TUSC3: variants seen among roughly 807,000 people sequenced by gnomAD.
TUSC3 encodes the protein dolichyl-diphosphooligosaccharide--protein glycosyltransferase subunit TUSC3.
In TUSC3, 45 loss-of-function variants were observed where a neutral mutation model predicts 44.8. The ratio of observed to expected loss-of-function variants is 1.00; its 90% CI spans 0.79 to 1.29. The LOEUF is 1.29. Among genes scored for constraint, TUSC3 ranks in the 50% most tolerant of loss-of-function variants. The pLI, the probability that TUSC3 is intolerant of heterozygous loss-of-function variation, is 0.00. For synonymous variants in TUSC3, 212 were observed against 152.9 expected (o/e 1.39, Z -2.85); for missense variants, 519 against 437.9 (o/e 1.19, Z -1.65).
intron 7 of TUSC3, among the ~76,000 whole-genome samples, chr8:15,742,605 C>G (rs1336016903): frequency 6.6e-6 from 1 of 152,128 alleles, no homozygotes; most frequent in Non-Finnish European, 1.5e-5. Context: ...TAGAGACATC[C>G]TGCACAGGAG....
chr8:15,537,325 A>C (rs1238542566), upstream of TUSC3, among the ~76,000 whole-genome samples: 1 of 152,074 alleles, frequency 6.6e-6, no homozygotes, highest in East Asian at 1.9e-4. Flanking sequence ...ACCCCACTTT[A>C]AGTCGTCCTG....
intron 1 of TUSC3, among the ~76,000 whole-genome samples, chr8:15,542,843 T>C (rs1444297397): frequency 6.6e-6 from 1 of 152,234 alleles, no homozygotes; most frequent in East Asian, 1.9e-4. Context: ...TTACAGTGTA[T>C]GTATATTTTA....
chr8:15,718,311 T>C (rs1457364333), intron 6 of TUSC3, among the ~76,000 whole-genome samples: 1 of 152,104 alleles, frequency 6.6e-6, no homozygotes, highest in Non-Finnish European at 1.5e-5. Context: ...TGTGATGGAT[T>C]GTAAGGTAGA....
At chr8:15,652,463 C>T (rs1171386703) in intron 3 of TUSC3, among the ~76,000 whole-genome samples, 1 of 152,044 alleles carries the variant, frequency 6.6e-6, no homozygotes, top group Non-Finnish European at 1.5e-5. Flanking sequence ...TTCATCTATT[C>T]AGCAAATAGT....
At chr8:15,576,656 G>A (rs1426389518) in intron 1 of TUSC3, among the ~76,000 whole-genome samples, 12 of 139,616 alleles carry the variant, frequency 8.6e-5, no homozygotes, top group Non-Finnish European at 1.8e-4. Flanking sequence ...ATTTTTTATG[G>A]CTGCATAGTA....
intron 2 of TUSC3, among the ~76,000 whole-genome samples, chr8:15,643,585 G>C (rs958969100): frequency 1.3e-5 from 2 of 152,144 alleles, no homozygotes; most frequent in African/African-American, 4.8e-5. Flanking sequence ...ACTTAGGTCT[G>C]ATGAAGAAAA....
chr8:15,608,096 G>C (rs1804611523), intron 1 of TUSC3, among the ~76,000 whole-genome samples: 1 of 151,936 alleles, frequency 6.6e-6, no homozygotes, highest in African/African-American at 2.4e-5. Context: ...AAATGTATTT[G>C]CATTTAATTA....
At chr8:15,443,338 GT>G (rs1800045943) in intron 1 of TUSC3, among the ~76,000 whole-genome samples, 1 of 28,888 alleles carries the variant, frequency 3.5e-5, no homozygotes, top group Non-Finnish European at 8.2e-5. Context: ...CCACCTAATT[GT>G]GTGTGTGTGT....
chr8:15,439,517 A>T (rs1258219316), intron 1 of TUSC3, among the ~76,000 whole-genome samples: 2 of 152,214 alleles, frequency 1.3e-5, no homozygotes, highest in Non-Finnish European at 2.9e-5. Context: ...TGGTTACACC[A>T]CTGCCCTCCA....
the TUSC3 span, among the ~76,000 whole-genome samples, chr8:15,798,795 C>G: frequency 6.6e-6 from 1 of 152,154 alleles, no homozygotes; most frequent in African/African-American, 2.4e-5. Flanking sequence ...AAGGAGTTCA[C>G]TTTAATGTGG....
chr8:15,466,215 C>T (rs1192557269), intron 1 of TUSC3, among the ~76,000 whole-genome samples: 4 of 152,184 alleles, frequency 2.6e-5, no homozygotes, highest in Non-Finnish European at 4.4e-5. Context: ...CAGGGCCTAA[C>T]TGTAGCAGAC....
chr8:15,648,790 A>C (rs1806752811), intron 2 of TUSC3, among the ~76,000 whole-genome samples: 1 of 145,174 alleles, frequency 6.9e-6, no homozygotes, highest in African/African-American at 2.6e-5. Flanking sequence ...TCATCTTGTT[A>C]TCACGTACCA....
At chr8:15,786,700 T>G in the TUSC3 span, among the ~76,000 whole-genome samples, 1 of 151,846 alleles carries the variant, frequency 6.6e-6, no homozygotes, top group Non-Finnish European at 1.5e-5. Context: ...ATCCCAGCAC[T>G]TTGGGTGGCC....
At chr8:15,437,613 A>G (rs1799965577) in intron 1 of TUSC3, among the ~76,000 whole-genome samples, 1 of 152,208 alleles carries the variant, frequency 6.6e-6, no homozygotes, top group Non-Finnish European at 1.5e-5. Context: ...TCCTATTAAG[A>G]TCTGAAGCTT....
At chr8:15,687,364 A>C (rs1230414600) in intron 6 of TUSC3, among the ~76,000 whole-genome samples, 2 of 152,134 alleles carry the variant, frequency 1.3e-5, no homozygotes, top group Non-Finnish European at 2.9e-5. Context: ...TTGAGGCTGC[A>C]ATTGTTTTAG....
intron 2 of TUSC3, among the ~76,000 whole-genome samples, chr8:15,511,161 A>G (rs570190482): frequency 1.3e-5 from 2 of 152,274 alleles, no homozygotes; most frequent in South Asian, 2.1e-4. Flanking sequence ...GCTTTCTCCC[A>G]TAAGTTCAAA....
chr8:15,501,145 C>T (rs1034354421), intron 2 of TUSC3, among the ~76,000 whole-genome samples: 71 of 152,150 alleles, frequency 4.7e-4, no homozygotes, highest in Admixed American at 1.1e-3. Flanking sequence ...TTCTACACTC[C>T]TTCATCCTGA....
rs886062767 is a variant in TUSC3 at position 15,540,264 on chromosome 8, G to A, written c.-167G>A. 2 of 968,404 alleles carry A rather than the reference G, an allele frequency of 2.1e-6. No individual in the cohort carries two copies. Among genetic ancestry groups the A allele is most frequent in the Non-Finnish European group, 2.8e-6 (2 of 716,952 alleles). 60.0% of individuals were successfully genotyped at this position (968,404 alleles called of 1,614,324 possible). A position where few individuals can be genotyped will look rare whatever the true frequency, so the allele number is the denominator to read the frequency against. On this transcript the variant is annotated 5_prime_UTR_variant, in exon 1 of 11. Coordinates refer to ENST00000503731, the MANE Select transcript of TUSC3 (RefSeq NM_006765.4). Reference sequence around the variant, plus strand: ...TCCCGGTGAACCGGATGCTCTGTCAGTCTCCTCCTCTGCGTCCTCGGCCGC... The same window carrying A: ...TCCCGGTGAACCGGATGCTCTGTCAATCTCCTCCTCTGCGTCCTCGGCCGC...
At position 15,743,311 on chromosome 8, in the gene TUSC3, TAGCCTCTCAATATATCAC is replaced by T; in HGVS notation, c.863-225_863-208del. The T allele has an allele frequency of 7.4e-6, 4 of 538,236 alleles. No homozygotes were observed. In the South Asian group the frequency reaches 8.4e-5, roughly 11 times the overall value. The allele number at this position is 538,236 out of a possible 1,614,324, so 33.3% of individuals were successfully genotyped here. On this transcript the variant is annotated intron_variant, in intron 7 of 10. Coordinates refer to ENST00000503731, the MANE Select transcript of TUSC3 (RefSeq NM_006765.4). Reference sequence around the variant, plus strand: ...CCTGGAATTTAAGAACCTTTGGAATTAGCCTCTCAATATATCACAAATTGAAGTTTCAGGTTATAAATT... The same window carrying T: ...CCTGGAATTTAAGAACCTTTGGAATTAAATTGAAGTTTCAGGTTATAAATT...
Sources: gnomAD v4.1 joint callset for allele counts (sites outside exome capture counted in the v4.1 genomes callset) on GRCh38, gnomAD v4.1.1 for gene constraint, MANE v1.5 for transcripts, NCBI Gene and HGNC (gene_info 2026-07-23, HGNC 2026-07-21) for gene names.